Variants in STK32A observed in about 807,000 individuals in gnomAD.
STK32A encodes serine/threonine-protein kinase 32A.
STK32A carries 41 observed loss-of-function variants against 53.2 expected under a neutral mutation model. That is an observed-to-expected ratio of 0.77 (90% CI 0.60 to 1.00). The LOEUF (loss-of-function observed/expected upper bound fraction) is 1.00. Ranked by LOEUF, STK32A falls within the 50% of genes least tolerant of loss-of-function variation. The probability of loss-of-function intolerance (pLI) is 0.00; values close to 1 mark genes in which losing one functional copy is unlikely to be tolerated. For synonymous variants in STK32A, 166 were observed against 162.8 expected, an observed-to-expected ratio of 1.02 and a Z score of -0.15; for missense variants, 458 against 485.8, an observed-to-expected ratio of 0.94 and a Z score of 0.54.
chr5:147,242,537 G>A (rs946280217), intron 2 of STK32A, among the ~76,000 whole-genome samples: 11 of 152,314 alleles, frequency 7.2e-5, no homozygotes, highest in African/African-American at 2.4e-4. Flanking sequence ...GGTGGCTGCG[G>A]TTGTCTTTCT....
chr5:147,285,453 G>T (rs550917274), intron 4 of STK32A, among the ~76,000 whole-genome samples: 119 of 152,206 alleles, frequency 7.8e-4, no homozygotes, highest in African/African-American at 2.8e-3. Context: ...ATAAATTGCT[G>T]GTACCTAATT....
intron 5 of STK32A, among the ~76,000 whole-genome samples, chr5:147,337,480 T>C (rs1755193042): frequency 6.6e-6 from 1 of 152,246 alleles, no homozygotes; most frequent in South Asian, 2.1e-4. Context: ...GGGGATTGGT[T>C]GTTTTGCTTT....
the STK32A span, chr5:147,394,068 T>G: frequency 6.2e-7 from 1 of 1,613,930 alleles, no homozygotes; most frequent in East Asian, 2.2e-5. Flanking sequence ...AACGGCCGCC[T>G]GGGGGCGCCA....
intron 4 of STK32A, among the ~76,000 whole-genome samples, chr5:147,284,258 C>A (rs973940728): frequency 1.3e-5 from 2 of 151,988 alleles, no homozygotes; most frequent in Admixed American, 1.3e-4. Context: ...AATCAGCATA[C>A]AAGGGACATA....
At chr5:147,287,673 A>G (rs1002866427) in intron 4 of STK32A, among the ~76,000 whole-genome samples, 3 of 152,076 alleles carry the variant, frequency 2.0e-5, no homozygotes, top group East Asian at 3.9e-4. Context: ...AGAGTGGCCT[A>G]TTCAAAATGC....
At chr5:147,324,486 A>G (rs1487388709) in intron 5 of STK32A, among the ~76,000 whole-genome samples, 1 of 152,208 alleles carries the variant, frequency 6.6e-6, no homozygotes, top group Non-Finnish European at 1.5e-5. Context: ...CCTGCAGTCT[A>G]TATTAAATTA....
intron 4 of STK32A, among the ~76,000 whole-genome samples, chr5:147,322,960 C>G (rs934231077): frequency 3.3e-5 from 5 of 152,124 alleles, no homozygotes; most frequent in African/African-American, 4.8e-5. Flanking sequence ...CACAAGTTTC[C>G]CCTCATACCT....
intron 4 of STK32A, among the ~76,000 whole-genome samples, chr5:147,289,580 A>G (rs899376569): frequency 3.3e-5 from 5 of 152,062 alleles, no homozygotes; most frequent in African/African-American, 1.2e-4. Flanking sequence ...TTATACATTT[A>G]TACCTATACA....
chr5:147,394,148 G>C, the STK32A span: 3 of 1,608,906 alleles, frequency 1.9e-6, no homozygotes, highest in Non-Finnish European at 2.5e-6. Flanking sequence ...AAATTCCCAG[G>C]GGGAAAAAAA....
chr5:147,258,869 A>C (rs1754357963), intron 2 of STK32A, among the ~76,000 whole-genome samples: 1 of 152,194 alleles, frequency 6.6e-6, no homozygotes, highest in Non-Finnish European at 1.5e-5. Flanking sequence ...TTTGCTATTA[A>C]TAAGACCTTG....
At chr5:147,260,312 TCTCTCTTCTCC>T (rs1754495578) in intron 2 of STK32A, among the ~76,000 whole-genome samples, 1 of 149,248 alleles carries the variant, frequency 6.7e-6, no homozygotes, top group Non-Finnish European at 1.5e-5. Flanking sequence ...TCTCTCTCTC[TCTCTCTTCTCC>T]GTCTCTATCT....
intron 2 of STK32A, among the ~76,000 whole-genome samples, chr5:147,274,811 G>A (rs1395318708): frequency 6.6e-6 from 1 of 152,074 alleles, no homozygotes. Flanking sequence ...AAATTTCCAA[G>A]ATTACACAGC....
intron 2 of STK32A, among the ~76,000 whole-genome samples, chr5:147,276,787 T>G (rs1468839040): frequency 2.0e-5 from 3 of 152,186 alleles, no homozygotes; most frequent in African/African-American, 4.8e-5. Flanking sequence ...GTAAACAGCT[T>G]TAGTAGTGCT....
chr5:147,398,384 C>A, the STK32A span, among the ~76,000 whole-genome samples: 2 of 152,192 alleles, frequency 1.3e-5, no homozygotes, highest in Admixed American at 1.3e-4. Context: ...CTTCACCATT[C>A]GCTTGCTGCA....
chr5:147,271,701 G>T (rs1338222798), intron 2 of STK32A, among the ~76,000 whole-genome samples: 13 of 152,244 alleles, frequency 8.5e-5, no homozygotes, highest in African/African-American at 3.1e-4. Flanking sequence ...CTGTAGGGAT[G>T]AAATTAGCCC....
At chr5:147,285,185 G>A (rs1054004412) in intron 4 of STK32A, among the ~76,000 whole-genome samples, 1 of 151,904 alleles carries the variant, frequency 6.6e-6, no homozygotes, top group Non-Finnish European at 1.5e-5. Context: ...TAAAGCAAAT[G>A]AAAACATAAA....
intron 2 of STK32A, among the ~76,000 whole-genome samples, chr5:147,258,170 T>TTTTTTTTTTTTTTTTTTTTTTGAGAC (rs1554099682): frequency 6.8e-6 from 1 of 147,986 alleles, no homozygotes; most frequent in African/African-American, 2.5e-5. Flanking sequence ...TTATAATTTT[T>TTTTTTTTTTTTTTTTTTTTTTGAGAC]GTTAAAGAGC....
chr5:147,268,295 A>C (rs1754894326), intron 2 of STK32A, among the ~76,000 whole-genome samples: 3 of 152,324 alleles, frequency 2.0e-5, no homozygotes, highest in African/African-American at 4.8e-5. Flanking sequence ...TAGATCATCA[A>C]GTCCCTTGCA....
chr5:147,327,856 A>G (rs11741401), intron 5 of STK32A, among the ~76,000 whole-genome samples: 22,927 of 152,234 alleles, frequency 0.15, 1,932 homozygotes, highest in Non-Finnish European at 0.19. Context: ...TGAGGGGAGC[A>G]CGGGACACCT....
Sources: gnomAD v4.1 joint callset for allele counts (sites outside exome capture counted in the v4.1 genomes callset) on GRCh38, gnomAD v4.1.1 for gene constraint, MANE v1.5 for transcripts, NCBI Gene and HGNC (gene_info 2026-07-23, HGNC 2026-07-21) for gene names.